ASB14: variants seen among roughly 807,000 people sequenced by gnomAD.
ASB14 encodes the protein ankyrin repeat and SOCS box protein 14.
Under a neutral mutation model 55.6 loss-of-function variants are expected in ASB14, and 63 were observed. That is an observed-to-expected ratio of 1.13 (90% CI 0.92 to 1.40). The LOEUF (loss-of-function observed/expected upper bound fraction) is 1.40, where lower values mean the gene tolerates loss of function less well. ASB14 is among the 40% of genes most tolerant of loss of function. ASB14 has a pLI of 0.00. For synonymous variants in ASB14, 256 were observed against 259.9 expected, an observed-to-expected ratio of 0.98 and a Z score of 0.15; for missense variants, 724 against 710.4, an observed-to-expected ratio of 1.02 and a Z score of -0.22.
chr3:57,275,082 C>T (rs2060975652), intron 10 of ASB14, among the ~76,000 whole-genome samples: 1 of 152,136 alleles, frequency 6.6e-6, no homozygotes, highest in African/African-American at 2.4e-5. Context: ...ATATTCAGTC[C>T]AATCACTGAA....
chr3:57,288,909 G>A, intron 3 of ASB14, 159 bp downstream of exon 3: 1 of 496,282 alleles, frequency 2.0e-6, no homozygotes, highest in Admixed American at 3.8e-5. Flanking sequence ...AGAGACAGGG[G>A]GTTTCACCAT....
At chr3:57,274,877 A>G (rs540875777) in intron 10 of ASB14, among the ~76,000 whole-genome samples, 10 of 152,346 alleles carry the variant, frequency 6.6e-5, no homozygotes, top group African/African-American at 2.2e-4. Flanking sequence ...ATGGTCAGCC[A>G]TAGCCAGGAT....
Position 57,278,008 on chromosome 3 carries a change from T to C in ASB14, c.1432-88A>G, listed in dbSNP as rs2061004213. The C allele has an allele frequency of 3.3e-6, 4 of 1,228,882 alleles. 1 individual carries two copies. In the South Asian group the frequency reaches 6.2e-5, roughly 19 times the overall value. 76.1% of individuals were successfully genotyped at this position (1,228,882 alleles called of 1,614,324 possible). A position where few individuals can be genotyped will look rare whatever the true frequency, so the allele number is the denominator to read the frequency against. ...CATAGTAGTCAAAGGAGATGTGGTG[T>C]GATGAAAGCCAAGAGAGAAAAATGT... On this transcript the variant is annotated intron_variant, in intron 8 of 10. Coordinates refer to ENST00000487349, the MANE Select transcript of ASB14 (RefSeq NM_001142733.3).
intron 7 of ASB14, among the ~76,000 whole-genome samples, chr3:57,279,991 T>A (rs1365658278): frequency 6.6e-6 from 1 of 151,904 alleles, no homozygotes; most frequent in African/African-American, 2.4e-5. Context: ...ACTAAATAAA[T>A]GCCTGAAGCA....
At chr3:57,280,221 T>G in intron 7 of ASB14, 81 bp downstream of exon 7, 2 of 903,068 alleles carry the variant, frequency 2.2e-6, no homozygotes, top group South Asian at 5.3e-5. Flanking sequence ...GATTAAAGAT[T>G]ATAAAGTTCC....
At chr3:57,280,548 C>T (rs2107623567) in intron 6 of ASB14, 75 bp from the exon 7 acceptor site, 3 of 1,355,742 alleles carry the variant, frequency 2.2e-6, no homozygotes, top group Non-Finnish European at 3.0e-6. Flanking sequence ...AAAAATATAT[C>T]CCCATCACCA....
In ASB14 at chr3:57,280,386, AAG is replaced by A; in HGVS notation, c.801_802del (p.Leu268AlafsTer6). On this transcript the variant is annotated frameshift_variant, in exon 7 of 11. Coordinates refer to ENST00000487349, the MANE Select transcript of ASB14 (RefSeq NM_001142733.3). LOFTEE classifies it high-confidence loss of function. ...GTTGGCATCAGCTCCATACTCCAGC[AAG>A]AGAGCCACAGCATCTGGATTTCCTC... The A allele has an allele frequency of 6.4e-7, 1 of 1,551,588 alleles. No homozygotes were observed. The highest frequency in any genetic ancestry group is 8.7e-7 in the Non-Finnish European group (1 of 1,146,892).
Position 57,290,909 on chromosome 3 carries a change from T to C in ASB14, c.122+1003A>G, listed in dbSNP as rs769686969. On this transcript the variant is annotated intron_variant, in intron 2 of 10. Coordinates refer to ENST00000487349, the MANE Select transcript of ASB14 (RefSeq NM_001142733.3). ...ACTAATCCTAAATTGAACACAAAAG[T>C]ATAGGAATAGTGTGTGGCTAAGAGC... Among the ~76,000 whole-genome samples, 20 of 152,268 alleles carry C rather than the reference T, an allele frequency of 1.3e-4. No homozygotes were observed. The South Asian group carries it at 2.1e-3, about 16-fold the overall frequency.
Position 57,269,515 on chromosome 3 carries a change from A to G in ASB14, c.*126T>C. ...CCATTTGACTGCAGACAAGTAACTT[A>G]GTTTCTTTTTTGTCTTTTCCACTAG... is the stretch of plus-strand genomic sequence containing the variant. On this transcript the variant is annotated 3_prime_UTR_variant, in exon 11 of 11. Coordinates refer to ENST00000487349, the MANE Select transcript of ASB14 (RefSeq NM_001142733.3). 6.2e-7 allele frequency: 1 copy of G among 1,609,556 alleles called. No individual in the cohort carries two copies. The highest frequency in any genetic ancestry group is 8.5e-7 in the Non-Finnish European group (1 of 1,177,902).
intron 5 of ASB14, 124 bp from the exon 6 acceptor site, chr3:57,283,563 T>G: frequency 1.0e-6 from 1 of 954,784 alleles, no homozygotes; most frequent in Non-Finnish European, 1.5e-6. Flanking sequence ...CCGAACATTC[T>G]GTGTTTAGGA....
intron 2 of ASB14, among the ~76,000 whole-genome samples, chr3:57,290,079 G>A (rs754419724): frequency 6.6e-6 from 1 of 152,260 alleles, no homozygotes; most frequent in South Asian, 2.1e-4. Context: ...TTAGTATTGT[G>A]TTAGTTTTCT....
chr3:57,273,684 GAA>G (rs1224089336), intron 10 of ASB14, among the ~76,000 whole-genome samples: 2 of 151,982 alleles, frequency 1.3e-5, no homozygotes, highest in Non-Finnish European at 1.5e-5. Flanking sequence ...TTTAGCAAAG[GAA>G]AAAGACTTCA....
chr3:57,278,866 C>T lies in ASB14; in HGVS notation c.942G>A (p.Gly314=). The T allele has an allele frequency of 1.2e-6, 2 of 1,613,760 alleles. No individual in the cohort carries two copies. Among genetic ancestry groups the T allele is most frequent in the Non-Finnish European group, 1.7e-6 (2 of 1,179,988 alleles). Residue 314 remains glycine, a synonymous_variant, in exon 8 of 11, where the codon GGG becomes GGA. Coordinates refer to ENST00000487349, the MANE Select transcript of ASB14 (RefSeq NM_001142733.3). ...CTGCTGCACAGTGAACTGGACTGAT[C>T]CCACTCTGCTTAATGGCAGCAAGAT... ...VTDLAAIKQS[G]ISPVHCAAAG...
chr3:57,276,727 T>C lies in ASB14; in HGVS notation c.1587A>G (p.Thr529=). ...GIWSEIHFIL[T]NPRSLKHLCR... ...ACAAATGTTTTAGGGAGCGAGGGTT[T>C]GCTAAAAAGAAAAGGCACATTATCC... Residue 529 remains threonine, a splice_region_variant and synonymous_variant, in exon 10 of 11, where the codon ACA becomes ACG. Transcript: ENST00000487349. 6.2e-7 allele frequency: 1 copy of C among 1,603,934 alleles called. No homozygotes were observed. Among genetic ancestry groups the C allele is most frequent in the South Asian group, 1.1e-5 (1 of 88,392 alleles).
chr3:57,289,120 C>G lies in ASB14; in HGVS notation c.126G>C (p.Leu42Phe), dbSNP rs2107630144. 1 of 1,526,028 alleles carries G rather than the reference C, an allele frequency of 6.6e-7. No individual in the cohort carries two copies. The highest frequency in any genetic ancestry group is 1.4e-5 in the African/African-American group (1 of 72,828). 94.5% of individuals were successfully genotyped at this position (1,526,028 alleles called of 1,614,324 possible). A position where few individuals can be genotyped will look rare whatever the true frequency, so the allele number is the denominator to read the frequency against. The change falls in exon 3 of 11, where the codon TTG becomes TTC. Residue 42 changes from leucine (L) to phenylalanine (F), a missense_variant. Leu to Phe is a conservative substitution (Grantham distance 22). Transcript: ENST00000487349. Reference sequence around the variant, plus strand: ...TATAGTCAGCGCTCAAAAAGGAATGCAAACTGCAAAGAAAAAAATACATAT... The same window carrying G: ...TATAGTCAGCGCTCAAAAAGGAATGGAAACTGCAAAGAAAAAAATACATAT... ...TAQHAPKDESLHSFLSADYKK... is the reference protein window; with the variant it reads ...TAQHAPKDESFHSFLSADYKK...
At position 57,278,633 on chromosome 3, in the gene ASB14, A is replaced by T; in HGVS notation, c.1175T>A (p.Ile392Lys). The T allele has an allele frequency of 2.5e-6, 4 of 1,614,238 alleles. No individual in the cohort carries two copies. Among genetic ancestry groups the T allele is most frequent in the Non-Finnish European group, 3.4e-6 (4 of 1,180,028 alleles). The change falls in exon 8 of 11, where the codon ATA becomes AAA. Residue 392 changes from isoleucine to lysine, a missense_variant. By Grantham distance (102) the Ile-to-Lys change is moderately radical (BLOSUM62 -3). Transcript: ENST00000487349. ...PNQDPVNCLQ[I>K]ALRMGNYELI... ...CTCATAGTTGCCCATCCTGAGGGCTATCTGGAGGCAGTTAACCGGGTCTTG... is the reference window on the plus strand; with the variant it reads ...CTCATAGTTGCCCATCCTGAGGGCTTTCTGGAGGCAGTTAACCGGGTCTTG...
At chr3:57,284,122 GTGTA>G (rs1394946666) in intron 5 of ASB14, among the ~76,000 whole-genome samples, 17 of 150,808 alleles carry the variant, frequency 1.1e-4, no homozygotes, top group African/African-American at 3.9e-4. Context: ...GTGTGTGTGT[GTGTA>G]TGTATGTAAA....
In ASB14 at chr3:57,268,590, T is replaced by C. The variant is rs2060911680; in HGVS notation, c.*1051A>G. 1 of 1,335,586 alleles carries C rather than the reference T, an allele frequency of 7.5e-7. No homozygotes were observed. The highest frequency in any genetic ancestry group is 1.9e-5 in the South Asian group (1 of 53,714). The allele number at this position is 1,335,586 out of a possible 1,614,324, so 82.7% of individuals were successfully genotyped here. A position where few individuals can be genotyped will look rare whatever the true frequency, so the allele number is the denominator to read the frequency against. On this transcript the variant is annotated 3_prime_UTR_variant, in exon 11 of 11. Transcript: ENST00000487349. ...TTTCCAAATGAAGGGCTGTTTCTGC[T>C]TGTTCAGCCACTTCATAAACAGATG...
chr3:57,291,815 C>T, intron 2 of ASB14, 97 bp downstream of exon 2: 1 of 1,073,442 alleles, frequency 9.3e-7, no homozygotes, highest in Non-Finnish European at 1.3e-6. Context: ...GATTCTGACC[C>T]TCCTGTTTTT....
Sources: gnomAD v4.1 joint callset for allele counts (sites outside exome capture counted in the v4.1 genomes callset) on GRCh38, gnomAD v4.1.1 for gene constraint, MANE v1.5 for transcripts, NCBI Gene and HGNC (gene_info 2026-07-23, HGNC 2026-07-21) for gene names.